The following CCT8 variants were observed in gnomAD, a reference collection of about 807,000 sequenced individuals.
CCT8 encodes chaperonin containing TCP1 subunit 8.
CCT8 carries 10 observed loss-of-function variants against 65.7 expected under a neutral mutation model. The ratio of observed to expected loss-of-function variants is 0.15; its 90% CI spans 0.09 to 0.26. CCT8 has a LOEUF of 0.26. Among genes scored for constraint, CCT8 ranks in the 10% least tolerant of loss-of-function variants. The pLI, the probability that CCT8 is intolerant of heterozygous loss-of-function variation, is 1.00. For synonymous variants in CCT8, 199 were observed against 221.8 expected (o/e 0.90, Z 0.92); for missense variants, 568 against 669.1 (o/e 0.85, Z 1.67).
At position 29,073,592 on chromosome 21, in the gene CCT8, G is replaced by A. The variant is rs756587462; in HGVS notation, c.-2C>T. 9.9e-6 allele frequency: 16 copies of A among 1,613,888 alleles called. No homozygotes were observed. In the African/African-American group the frequency reaches 1.2e-4, roughly 12 times the overall value. On this transcript the variant is annotated 5_prime_UTR_variant, in exon 1 of 15. Coordinates refer to ENST00000286788, the MANE Select transcript of CCT8 (RefSeq NM_006585.4). ...AGCCTTGGGAACGTGAAGCGCCATG[G>A]CCAGCCTGCAGGAAGCAGTTCACGC...
At chr21:29,060,725 A>G (rs2085554042) in intron 13 of CCT8, 65 bp from the exon 14 acceptor site, 3 of 1,567,000 alleles carry the variant, frequency 1.9e-6, no homozygotes, top group South Asian at 2.3e-5. Context: ...TACACCCACA[A>G]AAAGCCTCAC....
chr21:29,072,436 G>C (rs1389644238), intron 1 of CCT8, among the ~76,000 whole-genome samples: 1 of 152,014 alleles, frequency 6.6e-6, no homozygotes, highest in African/African-American at 2.4e-5. Flanking sequence ...TGTGATACAC[G>C]AGTTTTCCAA....
At chr21:29,060,805 T>C in intron 13 of CCT8, 145 bp from the exon 14 acceptor site, 1 of 858,902 alleles carries the variant, frequency 1.2e-6, no homozygotes, top group Non-Finnish European at 1.8e-6. Flanking sequence ...CTTTAGTATG[T>C]GAGGATTGGT....
At chr21:29,066,277 C>G (rs912399905) in intron 6 of CCT8, among the ~76,000 whole-genome samples, 1 of 151,906 alleles carries the variant, frequency 6.6e-6, no homozygotes. Context: ...CGGTGGTTCA[C>G]GCCTGTTAAT....
chr21:29,073,413 C>A, intron 1 of CCT8, 118 bp downstream of exon 1: 1 of 1,546,848 alleles, frequency 6.5e-7, no homozygotes, highest in Non-Finnish European at 8.7e-7. Flanking sequence ...ATCTTCTCTT[C>A]CCCCGGCCGC....
intron 14 of CCT8, among the ~76,000 whole-genome samples, chr21:29,058,749 G>A (rs977879245): frequency 2.9e-4 from 43 of 149,932 alleles, no homozygotes; most frequent in African/African-American, 9.6e-4. Context: ...CTGCCACCAC[G>A]CCCAGCTAAT....
At chr21:29,072,159 C>T in intron 1 of CCT8, 1 of 577,134 alleles carries the variant, frequency 1.7e-6, no homozygotes, top group Middle Eastern at 3.9e-4. Flanking sequence ...AGAGTTCTTC[C>T]CTAAACGTCT....
At chr21:29,073,315 T>A in intron 1 of CCT8, 3 of 1,410,962 alleles carry the variant, frequency 2.1e-6, no homozygotes, top group Non-Finnish European at 2.8e-6. Flanking sequence ...GTGCCGCCGA[T>A]CCCTCGGCCT....
chr21:29,065,194 C>A, intron 6 of CCT8, 89 bp from the exon 7 acceptor site: 1 of 1,383,756 alleles, frequency 7.2e-7, no homozygotes, highest in Admixed American at 1.8e-5. Flanking sequence ...AAAAATATCC[C>A]TTTCTAAAAT....
At chr21:29,064,409 T>TAAAAAAAAAAAAAAAAAAAAAAAA (rs34760776) in intron 7 of CCT8, among the ~76,000 whole-genome samples, 31 of 26,720 alleles carry the variant, frequency 1.2e-3, no homozygotes, top group East Asian at 2.8e-3. Flanking sequence ...AGCAAGACTC[T>TAAAAAAAAAAAAAAAAAAAAAAAA]AAAAAAAAAA....
At position 29,062,435 on chromosome 21, in the gene CCT8, G is replaced by T. The variant is rs2085574640; in HGVS notation, c.1009-20C>A. On this transcript the variant is annotated intron_variant, in intron 9 of 14. Transcript: ENST00000286788. ...AGGTGTCTGTAAGAAAGTGACTGTT[G>T]TAATAAAAATTCCATCTTGTTCAAC... is the stretch of plus-strand genomic sequence containing the variant. 1 of 1,611,122 alleles carries T rather than the reference G, an allele frequency of 6.2e-7. No homozygotes were observed. Among genetic ancestry groups the T allele is most frequent in the East Asian group, 2.2e-5 (1 of 44,858 alleles).
chr21:29,072,037 C>T, intron 1 of CCT8: 1 of 692,932 alleles, frequency 1.4e-6, no homozygotes, highest in Non-Finnish European at 2.6e-6. Context: ...AAAATCATTC[C>T]TTCCTCAGGG....
chr21:29,062,143 G>A lies in CCT8; in HGVS notation c.1197C>T (p.Phe399=), dbSNP rs1020116307. The A allele has an allele frequency of 1.9e-6, 3 of 1,608,238 alleles. No homozygotes were observed. Among genetic ancestry groups the A allele is most frequent in the Non-Finnish European group, 2.6e-6 (3 of 1,175,992 alleles). The change falls in exon 11 of 15, where the codon TTC becomes TTT. Residue 399 remains phenylalanine (F), a synonymous_variant. Transcript: ENST00000286788. ...ERAVDDGVNT[F]KVLTRDKRLV... The stretch of plus-strand genomic sequence containing the variant: ...TGATACTGACCCTTGTAAGAACTTT[G>A]AAAGTATTAACACCATCGTCTACTG...
At chr21:29,060,018 A>G (rs1341556606) in intron 14 of CCT8, 1 of 151,890 alleles carries the variant, frequency 6.6e-6, no homozygotes, top group Non-Finnish European at 1.5e-5. Context: ...GCCAGAAAAT[A>G]CCTTTTGGAA....
At chr21:29,069,584 A>C (rs900580734) in intron 2 of CCT8, 82 bp from the exon 3 acceptor site, 4 of 752,962 alleles carry the variant, frequency 5.3e-6, no homozygotes, top group Non-Finnish European at 8.6e-6. Flanking sequence ...AATCTAGTTA[A>C]GAAATTATAA....
intron 3 of CCT8, among the ~76,000 whole-genome samples, chr21:29,068,617 G>A (rs1213682320): frequency 3.3e-5 from 5 of 151,962 alleles, no homozygotes; most frequent in Admixed American, 1.3e-4. Flanking sequence ...GTGCCACCAC[G>A]CCCGGCTGAT....
At chr21:29,065,260 C>CA (rs751465117) in intron 6 of CCT8, among the ~76,000 whole-genome samples, 155 bp from the exon 7 acceptor site, 20 of 152,218 alleles carry the variant, frequency 1.3e-4, no homozygotes, top group Non-Finnish European at 2.1e-4. Context: ...GGTGGACATA[C>CA]AGCACACCCT....
intron 6 of CCT8, 70 bp downstream of exon 6, chr21:29,066,646 C>G: frequency 2.2e-6 from 2 of 902,524 alleles, no homozygotes; most frequent in Non-Finnish European, 3.3e-6. Flanking sequence ...TTTTTTTTTG[C>G]ACAAAAAAAC....
Position 29,064,409 on chromosome 21 carries a change from TAAAAAAAAAAAAA to T in CCT8, c.762+546_762+558del, listed in dbSNP as rs34760776. Among the ~76,000 whole-genome samples, 48 of 26,732 alleles carry T rather than the reference TAAAAAAAAAAAAA, an allele frequency of 1.8e-3. 4 individuals are homozygous for T. The highest frequency in any genetic ancestry group is 1.7e-4 in the African/African-American group (1 of 5,888). The allele number at this position is 26,732 out of a possible 152,430, so 17.5% of individuals were successfully genotyped here. A position where few individuals can be genotyped will look rare whatever the true frequency, so the allele number is the denominator to read the frequency against. ...AAGCCTGGGTGACAAAGCAAGACTCTAAAAAAAAAAAAAAAAAAAAAAAAAAAGAATAAAATAC... is the reference window on the plus strand; with the variant it reads ...AAGCCTGGGTGACAAAGCAAGACTCTAAAAAAAAAAAAAAGAATAAAATAC... On this transcript the variant is annotated intron_variant, in intron 7 of 14. Coordinates refer to ENST00000286788, the MANE Select transcript of CCT8 (RefSeq NM_006585.4).
Sources: gnomAD v4.1 joint callset for allele counts (sites outside exome capture counted in the v4.1 genomes callset) on GRCh38, gnomAD v4.1.1 for gene constraint, MANE v1.5 for transcripts, NCBI Gene and HGNC (gene_info 2026-07-23, HGNC 2026-07-21) for gene names.